The following ZNF236 variants were observed in gnomAD, a reference collection of about 807,000 sequenced individuals.
ZNF236 encodes the protein regulated by glucose.
Under a neutral mutation model 191.2 loss-of-function variants are expected in ZNF236, and 50 were observed. The ratio of observed to expected loss-of-function variants is 0.26; its 90% CI spans 0.21 to 0.33. The LOEUF (loss-of-function observed/expected upper bound fraction) is 0.33. ZNF236 is among the 10% of genes least tolerant of loss of function. ZNF236 has a pLI of 1.00. For missense variants in ZNF236, 1,754 were observed against 2,374.5 expected (o/e 0.74, Z 5.43); for synonymous variants, 907 against 928.8 (o/e 0.98, Z 0.43).
chr18:76,928,062 C>T lies in ZNF236; in HGVS notation c.4550C>T (p.Thr1517Met), dbSNP rs1396334362. The T allele has an allele frequency of 3.7e-6, 6 of 1,613,808 alleles. No individual in the cohort carries two copies. Among genetic ancestry groups the T allele is most frequent in the South Asian group, 3.3e-5 (3 of 91,040 alleles). Residue 1517 changes from threonine (T) to methionine (M), a missense_variant, in exon 25 of 31, where the codon ACG (threonine) becomes ATG (methionine). Thr to Met is a moderately conservative substitution (Grantham distance 81). This residue lies in a region of ZNF236 where 606 missense variants were observed against 761.5 expected (regional missense o/e 0.80). Transcript: ENST00000320610. ...GCACAGGCCGCTGGGCCCACTGCCA[C>T]GTCTTCCTCGGGGTCTCCACAGGAA... ...VLAQAAGPTA[T>M]SSSGSPQEIT...
At chr18:76,942,991 C>T (rs1166822375) in intron 26 of ZNF236, among the ~76,000 whole-genome samples, 11 of 150,376 alleles carry the variant, frequency 7.3e-5, no homozygotes, top group Admixed American at 4.0e-4. Flanking sequence ...GGCGTGGTGG[C>T]GGGCACCTGT....
At chr18:76,867,442 G>C (rs2122588737) in intron 3 of ZNF236, among the ~76,000 whole-genome samples, 1 of 152,178 alleles carries the variant, frequency 6.6e-6, no homozygotes. Context: ...AGTGTAGCTA[G>C]AGGTAGTATC....
At chr18:76,829,350 C>T (rs1365248670) in intron 1 of ZNF236, among the ~76,000 whole-genome samples, 2 of 142,850 alleles carry the variant, frequency 1.4e-5, no homozygotes, top group African/African-American at 5.2e-5. Flanking sequence ...TTTTTTTGGA[C>T]GGAGTCTCGC....
At chr18:76,838,143 T>C (rs1975388583) in intron 1 of ZNF236, among the ~76,000 whole-genome samples, 1 of 152,106 alleles carries the variant, frequency 6.6e-6, no homozygotes. Flanking sequence ...GAACATTCAG[T>C]GGAGGGGTTA....
chr18:76,957,958 G>A (rs1359054598), intron 28 of ZNF236, among the ~76,000 whole-genome samples: 2 of 152,232 alleles, frequency 1.3e-5, no homozygotes, highest in African/African-American at 2.4e-5. Flanking sequence ...AAGAGCTTCT[G>A]CACAGCAAAA....
At chr18:76,943,754 A>G (rs1968194856) in intron 26 of ZNF236, among the ~76,000 whole-genome samples, 2 of 152,232 alleles carry the variant, frequency 1.3e-5, no homozygotes, top group Non-Finnish European at 1.5e-5. Flanking sequence ...CATCTGGCCC[A>G]TGCTGTTTAA....
intron 1 of ZNF236, among the ~76,000 whole-genome samples, chr18:76,844,100 C>T (rs1050960137): frequency 6.6e-6 from 1 of 151,920 alleles, no homozygotes. Flanking sequence ...ATTAGCCAGG[C>T]ATGGTGGCAC....
intron 3 of ZNF236, among the ~76,000 whole-genome samples, chr18:76,859,863 A>G (rs140824583): frequency 3.3e-5 from 5 of 152,272 alleles, no homozygotes; most frequent in Non-Finnish European, 7.4e-5. Flanking sequence ...CACCAAAAAC[A>G]TGGGGTGGCC....
Position 76,849,552 on chromosome 18 carries a change from A to G in ZNF236, c.82A>G (p.Asn28Asp). ...SDGVLTLNAE[N>D]TNYAYQVPNF... is the part of the protein sequence containing the mutation. ...TGGAGTTTTAACATTGAATGCGGAGAACACTAATTATGCCTATCAAGTTCC... is the reference window on the plus strand; with the variant it reads ...TGGAGTTTTAACATTGAATGCGGAGGACACTAATTATGCCTATCAAGTTCC... The change falls in exon 2 of 31, where the codon AAC becomes GAC. Residue 28 changes from asparagine to aspartate, a missense_variant. Around this residue, in one of 5 missense-constraint regions of ZNF236, gnomAD observed 336 missense variants for 495.1 expected, o/e 0.68. Transcript: ENST00000320610. The G allele has an allele frequency of 1.2e-6, 2 of 1,611,348 alleles. No homozygotes were observed. Among genetic ancestry groups the G allele is most frequent in the Non-Finnish European group, 1.7e-6 (2 of 1,179,232 alleles).
At chr18:76,908,941 G>A (rs1312875565) in intron 14 of ZNF236, among the ~76,000 whole-genome samples, 1 of 146,214 alleles carries the variant, frequency 6.8e-6, no homozygotes, top group African/African-American at 2.6e-5. Context: ...AAATATGCAG[G>A]GGTGTGTGTG....
rs142244080 is a variant in ZNF236 at position 76,842,691 on chromosome 18, C to A, written c.56-6835C>A. ...GCTTGAACCCGGGAGGCGGAGGTTG[C>A]GGTGAGCAGAGATCGCGCCATCGCA... On this transcript the variant is annotated intron_variant, in intron 1 of 30. Transcript: ENST00000320610. Among the ~76,000 whole-genome samples, 426 of 150,850 alleles carry A rather than the reference C, an allele frequency of 2.8e-3. 1 individual carries two copies. The highest frequency in any genetic ancestry group is 0.017 in the Middle Eastern group (5 of 292).
chr18:76,886,551 C>T, intron 9 of ZNF236: 1 of 189,872 alleles, frequency 5.3e-6, no homozygotes, highest in Non-Finnish European at 1.1e-5. Context: ...CTATAGCAAG[C>T]CTGCTGCTCC....
intron 19 of ZNF236, among the ~76,000 whole-genome samples, chr18:76,918,530 T>A (rs1188116503): frequency 2.6e-5 from 4 of 152,106 alleles, no homozygotes; most frequent in African/African-American, 9.7e-5. Context: ...GATCAAGCAA[T>A]CCTCCCACCT....
At chr18:76,959,401 A>T (rs1968606554) in intron 28 of ZNF236, among the ~76,000 whole-genome samples, 1 of 152,214 alleles carries the variant, frequency 6.6e-6, no homozygotes, top group African/African-American at 2.4e-5. Context: ...GTTAAAGCTG[A>T]TGAAGGAGAT....
At chr18:76,848,978 T>C (rs905663818) in intron 1 of ZNF236, among the ~76,000 whole-genome samples, 1 of 152,230 alleles carries the variant, frequency 6.6e-6, no homozygotes, top group Non-Finnish European at 1.5e-5. Flanking sequence ...TTTTACTTAA[T>C]CTTGTTTTGC....
intron 27 of ZNF236, among the ~76,000 whole-genome samples, chr18:76,948,577 G>A (rs1472873448): frequency 6.6e-6 from 1 of 152,214 alleles, no homozygotes; most frequent in East Asian, 1.9e-4. Flanking sequence ...ACCAGCGGAA[G>A]GAAAAGGCAC....
Position 76,927,245 on chromosome 18 carries a change from T to A in ZNF236, c.4174-32T>A, listed in dbSNP as rs1189288338. On this transcript the variant is annotated intron_variant, in intron 23 of 30. Coordinates refer to ENST00000320610, the MANE Select transcript of ZNF236 (RefSeq NM_001306089.2). The surrounding 1 kb of genome is among the most constrained non-coding windows in gnomAD (Gnocchi z 5.4). ...CTTGGCATCACAGAGAAGCATGAAG[T>A]TTTCATTACAAGTACCTGTGCTGCT... is the stretch of plus-strand genomic sequence containing the variant. 6.2e-7 allele frequency: 1 copy of A among 1,612,144 alleles called. No homozygotes were observed. Among genetic ancestry groups the A allele is most frequent in the Admixed American group, 1.7e-5 (1 of 59,984 alleles).
chr18:76,942,186 T>G (rs1389814345), intron 26 of ZNF236, among the ~76,000 whole-genome samples: 1 of 152,188 alleles, frequency 6.6e-6, no homozygotes, highest in African/African-American at 2.4e-5. Context: ...TGACATGTGC[T>G]CCTTGAATTT....
intron 26 of ZNF236, among the ~76,000 whole-genome samples, chr18:76,940,978 G>T (rs1405726455): frequency 6.6e-6 from 1 of 152,236 alleles, no homozygotes. Context: ...GATCTAGGTT[G>T]TGTGATCCTT....
Sources: gnomAD v4.1 joint callset for allele counts (sites outside exome capture counted in the v4.1 genomes callset) on GRCh38, gnomAD v4.1.1 for gene constraint, gnomAD v4.1.1 regional missense constraint, Gnocchi (gnomAD v3.1) non-coding constraint, MANE v1.5 for transcripts, NCBI Gene and HGNC (gene_info 2026-07-23, HGNC 2026-07-21) for gene names.